Variants in THOC2 observed in about 807,000 individuals in gnomAD.
THOC2 encodes THO complex subunit 2.
THOC2 carries 10 observed loss-of-function variants against 128.4 expected under a neutral mutation model. The ratio of observed to expected loss-of-function variants is 0.08; its 90% confidence interval spans 0.05 to 0.13. The LOEUF (loss-of-function observed/expected upper bound fraction) is 0.13, where lower values mean the gene tolerates loss of function less well. THOC2 is among the 10% of genes least tolerant of loss of function. THOC2 has a pLI of 1.00. For missense variants in THOC2, 535 were observed against 1,155.7 expected (o/e 0.46, Z 7.79); for synonymous variants, 393 against 396.9 (o/e 0.99, Z 0.12).
intron 8 of THOC2, among the ~76,000 whole-genome samples, chrX:123,685,231 G>A (rs2049957437): frequency 8.9e-6 from 1 of 112,481 alleles, no homozygotes. Flanking sequence ...ATCTGGCAAA[G>A]GAGATAGATA....
chrX:123,679,229 CTT>C (rs758769209), intron 8 of THOC2, among the ~76,000 whole-genome samples: 3 of 111,803 alleles, frequency 2.7e-5, no homozygotes, highest in African/African-American at 9.8e-5. Flanking sequence ...CAATTCTACT[CTT>C]TCCATTATCT....
intron 25 of THOC2, 50 bp downstream of exon 25, chrX:123,625,862 G>T (rs1409239963): frequency 8.9e-7 from 1 of 1,121,381 alleles, no homozygotes; most frequent in South Asian, 1.9e-5. Context: ...AAATTATAAT[G>T]TTAGCTATCT....
chrX:123,667,336 T>C (rs1006778059), intron 10 of THOC2, 58 bp from the exon 11 acceptor site: 67 of 905,024 alleles, frequency 7.4e-5, no homozygotes, highest in Non-Finnish European at 9.1e-5. Context: ...GAAATCTTAA[T>C]ACTTTGTCAC....
At chrX:123,619,708 T>C in intron 32 of THOC2, 1 of 271,235 alleles carries the variant, frequency 3.7e-6, no homozygotes, top group Non-Finnish European at 6.6e-6. Flanking sequence ...ACATTGTTCA[T>C]ATCTCTCTAC....
Position 123,619,508 on chromosome X carries a change from T to C in THOC2, c.4276-72A>G, listed in dbSNP as rs371754081. 4.5e-5 allele frequency: 52 copies of C among 1,166,304 alleles called. No homozygotes were observed. In the African/African-American group the frequency reaches 8.5e-4, roughly 19 times the overall value. On this transcript the variant is annotated intron_variant, in intron 32 of 38. Coordinates refer to ENST00000245838, the MANE Select transcript of THOC2 (RefSeq NM_001081550.2). ...GAACCCAGAGGAACTTTGGGAAGTA[T>C]GGCTGTAACCTGGAAATAAACCAGC...
chrX:123,668,922 C>T (rs2088418665), intron 9 of THOC2, among the ~76,000 whole-genome samples: 1 of 111,561 alleles, frequency 9.0e-6, no homozygotes, highest in South Asian at 3.7e-4. Context: ...GTATCTCAAA[C>T]AGTCACCTTG....
intron 22 of THOC2, among the ~76,000 whole-genome samples, chrX:123,630,610 C>T (rs758514602): frequency 1.9e-5 from 1 of 54,053 alleles, no homozygotes; most frequent in Non-Finnish European, 2.9e-5. Context: ...GAGACTCCAT[C>T]TCAAAAAAAA....
At chrX:123,639,204 G>C (rs2047809085) in intron 16 of THOC2, among the ~76,000 whole-genome samples, 177 bp from the exon 17 acceptor site, 1 of 111,173 alleles carries the variant, frequency 9.0e-6, no homozygotes, top group Non-Finnish European at 1.9e-5. Flanking sequence ...TATTTATATA[G>C]AAATTACTAT....
intron 8 of THOC2, among the ~76,000 whole-genome samples, chrX:123,672,375 G>A (rs776070883): frequency 6.5e-5 from 7 of 108,055 alleles, no homozygotes; most frequent in African/African-American, 1.7e-4. Flanking sequence ...GGGCTCTAGC[G>A]ATCCTCCCAC....
chrX:123,637,224 C>T (rs1251721169), intron 18 of THOC2, among the ~76,000 whole-genome samples: 3 of 111,569 alleles, frequency 2.7e-5, no homozygotes, highest in African/African-American at 9.8e-5. Flanking sequence ...TTAAACATTT[C>T]GGACTTTAAA....
At chrX:123,601,470 G>A (rs2046272521) in intron 38 of THOC2, 132 bp from the exon 39 acceptor site, 1 of 88,297 alleles carries the variant, frequency 1.1e-5, no homozygotes, top group Non-Finnish European at 2.2e-5. Flanking sequence ...AGAATGAAAG[G>A]AGGAGGGAGG....
rs1183750929 is a variant in THOC2 at position 123,700,538 on chromosome X, AGGGGGTGGGGGGGGGTGG to A, written c.275-2805_275-2788del. Among the ~76,000 whole-genome samples the A allele has an allele frequency of 5.6e-3, 9 of 1,612 alleles. No homozygotes were observed. In the South Asian group the frequency reaches 0.17, roughly 30 times the overall value. 1.4% of individuals were successfully genotyped at this position (1,612 alleles called of 115,157 possible). ...TGGGGGCGGCGGGGGGGAGGTGGTG[AGGGGGTGGGGGGGGGTGG>A]GGGGGTGGGGAGGAAGTTGCTATCT... On this transcript the variant is annotated intron_variant, in intron 4 of 38. Coordinates refer to ENST00000245838, the MANE Select transcript of THOC2 (RefSeq NM_001081550.2).
chrX:123,621,653 A>T, intron 30 of THOC2, 66 bp from the exon 31 acceptor site: 4 of 840,151 alleles, frequency 4.8e-6, no homozygotes, highest in Non-Finnish European at 4.9e-6. Context: ...ATATATGATA[A>T]AATATATCAT....
At chrX:123,728,030 A>G (rs1461633242) in intron 1 of THOC2, among the ~76,000 whole-genome samples, 1 of 112,359 alleles carries the variant, frequency 8.9e-6, no homozygotes, top group Non-Finnish European at 1.9e-5. Context: ...TCACATCTCA[A>G]ATGTGGCTTT....
At chrX:123,695,133 C>CA (rs1349073761) in intron 7 of THOC2, among the ~76,000 whole-genome samples, 1 of 110,777 alleles carries the variant, frequency 9.0e-6, no homozygotes. Flanking sequence ...ATATAAACTC[C>CA]AAAAAAAGAG....
chrX:123,687,613 T>C (rs1029108185), intron 7 of THOC2, among the ~76,000 whole-genome samples: 10 of 112,007 alleles, frequency 8.9e-5, no homozygotes, highest in African/African-American at 1.3e-4. Context: ...ATAGGTTGTA[T>C]GTCCCAACCC....
At chrX:123,657,416 GTAAATAAATAAA>G (rs764312246) in intron 12 of THOC2, among the ~76,000 whole-genome samples, 26 of 109,613 alleles carry the variant, frequency 2.4e-4, no homozygotes, top group Admixed American at 9.9e-4. Context: ...GATGCAAAAA[GTAAATAAATAAA>G]TAAATAAATA....
intron 9 of THOC2, among the ~76,000 whole-genome samples, chrX:123,671,291 A>T (rs921284672): frequency 8.9e-6 from 1 of 111,946 alleles, no homozygotes; most frequent in African/African-American, 3.2e-5. Context: ...AGGTAACTTT[A>T]TATTTCCCAT....
intron 1 of THOC2, among the ~76,000 whole-genome samples, chrX:123,729,761 C>A (rs915868461): frequency 8.9e-6 from 1 of 112,017 alleles, no homozygotes; most frequent in African/African-American, 3.2e-5. Flanking sequence ...TTAACATTTC[C>A]AGTTGCTGTT....
Sources: gnomAD v4.1 joint callset for allele counts (sites outside exome capture counted in the v4.1 genomes callset) on GRCh38, gnomAD v4.1.1 for gene constraint, MANE v1.5 for transcripts, NCBI Gene and HGNC (gene_info 2026-07-23, HGNC 2026-07-21) for gene names.